Variants in FAT3 observed in about 807,000 individuals in gnomAD.
The protein encoded by FAT3 is FAT atypical cadherin 3, also known as protocadherin Fat 3.
A neutral mutation model predicts 310.2 loss-of-function variants in FAT3; 95 were observed. That is an observed-to-expected ratio of 0.31 (90% CI 0.26 to 0.36). The LOEUF (loss-of-function observed/expected upper bound fraction) is 0.36. FAT3 is among the 10% of genes least tolerant of loss of function. The probability of loss-of-function intolerance (pLI) is 1.00; values close to 1 mark genes in which losing one functional copy is unlikely to be tolerated. For synonymous variants in FAT3, 2,314 were observed against 2,192.9 expected, an observed-to-expected ratio of 1.06 and a Z score of -1.54; for missense variants, 5,408 against 5,715.6, an observed-to-expected ratio of 0.95 and a Z score of 1.74.
At chr11:92,567,383 T>A (rs1472615707) in intron 3 of FAT3, among the ~76,000 whole-genome samples, 12 of 149,406 alleles carry the variant, frequency 8.0e-5, no homozygotes, top group South Asian at 6.5e-4. Context: ...AAGTCAGGAA[T>A]CAACAGGTGC....
At chr11:92,451,089 A>C (rs1951341680) in intron 2 of FAT3, among the ~76,000 whole-genome samples, 1 of 151,984 alleles carries the variant, frequency 6.6e-6, no homozygotes, top group Admixed American at 6.6e-5. Context: ...ATGAGCAGAA[A>C]GGTTTAGGTG....
chr11:92,867,316 G>A (rs2136353975), intron 22 of FAT3, 107 bp downstream of exon 22: 5 of 1,158,438 alleles, frequency 4.3e-6, no homozygotes, highest in Non-Finnish European at 5.9e-6. Context: ...CTAGAGAGGA[G>A]TATTCACACC....
intron 3 of FAT3, among the ~76,000 whole-genome samples, chr11:92,661,423 A>G (rs1371313920): frequency 6.6e-6 from 1 of 152,186 alleles, no homozygotes; most frequent in African/African-American, 2.4e-5. Flanking sequence ...CCATTACCAT[A>G]TGTGGTGAAC....
chr11:92,500,476 A>G, intron 2 of FAT3, among the ~76,000 whole-genome samples: 1 of 152,008 alleles, frequency 6.6e-6, no homozygotes. Context: ...TTGAAGGAGG[A>G]AAAATATGAT....
chr11:92,804,078 A>G (rs1234327995), intron 10 of FAT3, among the ~76,000 whole-genome samples: 1 of 152,206 alleles, frequency 6.6e-6, no homozygotes, highest in Admixed American at 6.5e-5. Flanking sequence ...CAAGTTTTCA[A>G]TGAAGTAGCA....
At chr11:92,833,798 A>G (rs1381679787) in intron 14 of FAT3, among the ~76,000 whole-genome samples, 2 of 152,224 alleles carry the variant, frequency 1.3e-5, no homozygotes, top group African/African-American at 4.8e-5. Context: ...ACCATTGTAT[A>G]TAAACACCAT....
chr11:92,450,774 G>A (rs1428903086), intron 2 of FAT3, among the ~76,000 whole-genome samples: 2 of 152,096 alleles, frequency 1.3e-5, no homozygotes, highest in Non-Finnish European at 2.9e-5. Context: ...TGATACTATG[G>A]AACAGTTATA....
intron 2 of FAT3, among the ~76,000 whole-genome samples, chr11:92,356,462 A>T (rs1269734570): frequency 6.6e-6 from 1 of 152,202 alleles, no homozygotes; most frequent in Non-Finnish European, 1.5e-5. Context: ...TAAACAACAG[A>T]CATTTATTTC....
intron 25 of FAT3, 115 bp downstream of exon 25, chr11:92,887,228 T>C: frequency 1.2e-6 from 1 of 837,482 alleles, no homozygotes. Context: ...TTCATGGGCT[T>C]TTGAGCGTGT....
At chr11:92,890,350 G>A (rs1018106983) in intron 27 of FAT3, 141 bp from the exon 28 acceptor site, 25 of 999,848 alleles carry the variant, frequency 2.5e-5, no homozygotes, top group Middle Eastern at 3.2e-4. Context: ...AGCATGGCTG[G>A]CCCCATAGAC....
At position 92,354,454 on chromosome 11, in the gene FAT3, G is replaced by A; in HGVS notation, c.2342G>A (p.Gly781Glu). 1 of 1,613,768 alleles carries A rather than the reference G, an allele frequency of 6.2e-7. No individual in the cohort carries two copies. The highest frequency in any genetic ancestry group is 8.5e-7 in the Non-Finnish European group (1 of 1,179,840). The part of the protein sequence containing the change: ...DSCFNIDMET[G>E]QLKVLMPMDR... ...TGCTTTAATATTGATATGGAGACTG[G>A]GCAGCTTAAAGTCCTTATGCCCATG... The change falls in exon 2 of 28, where the codon GGG becomes GAG. Residue 781 changes from glycine (G) to glutamate (E), a missense_variant. Physicochemically the swap from Gly to Glu is moderately conservative, Grantham distance 98. This residue lies in a region of FAT3 where 4,588 missense variants were observed against 4,809.8 expected (regional missense o/e 0.95). Transcript: ENST00000525166.
chr11:92,798,838 A>G lies in FAT3; in HGVS notation c.5825A>G (p.Lys1942Arg), dbSNP rs780195038. ...IDSNSGVLTI[K>R]NNNLSKDHYM... ...TCAAACAGTGGAGTACTTACCATAA[A>G]AAACAACAACCTCTCCAAGGATCAC... is the stretch of plus-strand genomic sequence containing the variant. Residue 1942 changes from lysine (K) to arginine (R), a missense_variant, in exon 10 of 28, where the codon AAA becomes AGA. By Grantham distance (26) the Lys-to-Arg change is conservative (BLOSUM62 2). This residue lies in a region of FAT3 where 4,588 missense variants were observed against 4,809.8 expected (regional missense o/e 0.95). Coordinates refer to ENST00000525166, the MANE Select transcript of FAT3 (RefSeq NM_001367949.2). 3.7e-6 allele frequency: 6 copies of G among 1,613,932 alleles called. No homozygotes were observed. The South Asian group carries it at 6.6e-5, about 18-fold the overall frequency.
At chr11:92,609,884 G>A (rs1446599490) in intron 3 of FAT3, among the ~76,000 whole-genome samples, 1 of 152,042 alleles carries the variant, frequency 6.6e-6, no homozygotes, top group Non-Finnish European at 1.5e-5. Flanking sequence ...CTTGAAATAG[G>A]CAGACTAAAA....
rs574687017 is a variant in FAT3, at chr11:92,299,237, G to A, written c.-17-52859G>A. Among the ~76,000 whole-genome samples, 28 of 152,210 alleles carry A rather than the reference G, an allele frequency of 1.8e-4. No individual in the cohort carries two copies. The South Asian group carries it at 5.4e-3, about 29-fold the overall frequency. Reference sequence around the variant, plus strand: ...AGCAAATGCATTGAGCTTTGGAAGTGCTGAGCACTTGTATTAGGCATCCTG... The same window carrying A: ...AGCAAATGCATTGAGCTTTGGAAGTACTGAGCACTTGTATTAGGCATCCTG... On this transcript the variant is annotated intron_variant, in intron 1 of 27. Transcript: ENST00000525166.
intron 13 of FAT3, among the ~76,000 whole-genome samples, chr11:92,826,113 G>A (rs1345999082): frequency 6.6e-6 from 1 of 152,142 alleles, no homozygotes; most frequent in African/African-American, 2.4e-5. Context: ...CACTTGGCAA[G>A]TCCTTATTAA....
At chr11:92,448,167 G>A (rs548010564) in intron 2 of FAT3, among the ~76,000 whole-genome samples, 1 of 152,188 alleles carries the variant, frequency 6.6e-6, no homozygotes, top group African/African-American at 2.4e-5. Context: ...TGAAGATTGA[G>A]TAAATTAATT....
chr11:92,832,569 C>G (rs112849516), intron 14 of FAT3, among the ~76,000 whole-genome samples: 2 of 152,114 alleles, frequency 1.3e-5, no homozygotes, highest in African/African-American at 4.8e-5. Flanking sequence ...TATCTGACCC[C>G]CAGGTTGGCT....
chr11:92,522,513 T>G (rs1303062769), intron 2 of FAT3, among the ~76,000 whole-genome samples: 1 of 152,150 alleles, frequency 6.6e-6, no homozygotes, highest in Non-Finnish European at 1.5e-5. Flanking sequence ...AGGGCCCAGC[T>G]GGCATGGCAG....
At chr11:92,252,813 G>A (rs1002658461) in intron 1 of FAT3, among the ~76,000 whole-genome samples, 1 of 152,158 alleles carries the variant, frequency 6.6e-6, no homozygotes. Flanking sequence ...CAAAGAATAA[G>A]CAAGTAACTG....
Sources: allele counts gnomAD v4.1 joint callset (sites outside exome capture counted in the v4.1 genomes callset), GRCh38; gene constraint gnomAD v4.1.1; regional missense constraint gnomAD v4.1.1; transcripts MANE v1.5; gene names NCBI Gene and HGNC (gene_info 2026-07-23, HGNC 2026-07-21).